CPNE4: variants seen among roughly 807,000 people sequenced by gnomAD.
CPNE4 encodes copine 4.
Under a neutral mutation model 67.9 loss-of-function variants are expected in CPNE4, and 25 were observed. The ratio of observed to expected loss-of-function variants is 0.37; its 90% CI spans 0.27 to 0.51. The LOEUF (loss-of-function observed/expected upper bound fraction) is 0.51. Among genes scored for constraint, CPNE4 ranks in the 20% least tolerant of loss-of-function variants. CPNE4 has a pLI of 0.93. For missense variants in CPNE4, 464 were observed against 690.8 expected, an observed-to-expected ratio of 0.67 and a Z score of 3.68; for synonymous variants, 242 against 244.9, an observed-to-expected ratio of 0.99 and a Z score of 0.11.
chr3:131,697,781 T>C (rs1226679714), intron 4 of CPNE4, among the ~76,000 whole-genome samples: 1 of 152,226 alleles, frequency 6.6e-6, no homozygotes, highest in East Asian at 1.9e-4. Context: ...TTAAGTATTT[T>C]GTGATCACAG....
intron 2 of CPNE4, among the ~76,000 whole-genome samples, chr3:131,730,731 A>G (rs1404274366): frequency 6.6e-6 from 1 of 152,176 alleles, no homozygotes; most frequent in Non-Finnish European, 1.5e-5. Context: ...AGCACAAGCC[A>G]AGAAATGCCA....
chr3:131,942,459 TGTGTGAGAGAGAGAGAGA>T (rs1312275343), intron 1 of CPNE4, among the ~76,000 whole-genome samples: 248 of 56,364 alleles, frequency 4.4e-3, no homozygotes, highest in Middle Eastern at 0.025. Flanking sequence ...TGTGTGTGTG[TGTGTGAGAGAGAGAGAGA>T]GAGAGAGAGA....
chr3:131,641,826 A>G (rs1582942687), intron 7 of CPNE4, among the ~76,000 whole-genome samples: 1 of 152,252 alleles, frequency 6.6e-6, no homozygotes, highest in East Asian at 1.9e-4. Context: ...CTACTTAGCC[A>G]TAACAAGGAA....
chr3:131,875,089 C>T (rs6787662), intron 2 of CPNE4, among the ~76,000 whole-genome samples: 27,008 of 152,170 alleles, frequency 0.18, 3,013 homozygotes, highest in Non-Finnish European at 0.24. Flanking sequence ...TGAGCAACTT[C>T]CCTAGCCCCA....
intron 2 of CPNE4, among the ~76,000 whole-genome samples, chr3:131,894,423 G>A (rs1416288941): frequency 6.6e-6 from 1 of 151,838 alleles, no homozygotes; most frequent in Non-Finnish European, 1.5e-5. Flanking sequence ...ACTTTTAACA[G>A]AGTAAAGAGA....
At chr3:131,658,689 GAGA>G (rs1429039831) in intron 7 of CPNE4, among the ~76,000 whole-genome samples, 2 of 152,186 alleles carry the variant, frequency 1.3e-5, no homozygotes, top group Non-Finnish European at 2.9e-5. Flanking sequence ...TCCAGCTCCT[GAGA>G]AGGAGGGCCT....
At chr3:131,862,332 C>T (rs1010322716) in intron 2 of CPNE4, among the ~76,000 whole-genome samples, 13 of 152,152 alleles carry the variant, frequency 8.5e-5, no homozygotes, top group Admixed American at 1.3e-4. Flanking sequence ...ATAAGCGAGA[C>T]TCCTAGATTT....
chr3:132,023,532 G>C (rs1433299443), intron 1 of CPNE4, among the ~76,000 whole-genome samples: 2 of 125,818 alleles, frequency 1.6e-5, no homozygotes, highest in Admixed American at 2.0e-4. Flanking sequence ...CTGTCGCCCA[G>C]GCTGGAGTGC....
At chr3:131,941,990 A>G (rs779279791) in intron 1 of CPNE4, among the ~76,000 whole-genome samples, 21 of 152,130 alleles carry the variant, frequency 1.4e-4, no homozygotes, top group Non-Finnish European at 2.9e-4. Context: ...CCATTATGAC[A>G]TAGAAATATT....
Position 131,863,876 on chromosome 3 carries a change from T to C in CPNE4, c.180+41388A>G, listed in dbSNP as rs1332277732. 2.0e-5 allele frequency among the ~76,000 whole-genome samples: 3 copies of C among 152,338 alleles called. No homozygotes were observed. In the East Asian group the frequency reaches 5.8e-4, roughly 29 times the overall value. ...AGTCTTTAATCCATCTTGAATTAATTTTTGTATAAGGTGTAAGGAAGGGAT... is the reference window on the plus strand; with the variant it reads ...AGTCTTTAATCCATCTTGAATTAATCTTTGTATAAGGTGTAAGGAAGGGAT... On this transcript the variant is annotated intron_variant, in intron 2 of 15. Transcript: ENST00000429747.
At position 131,635,883 on chromosome 3, in the gene CPNE4, C is replaced by T. The variant is rs904975978; in HGVS notation, c.681+33792G>A. Reference sequence around the variant, plus strand: ...GATCACGAGGTCAGGAGATCGAGACCATCCCGGCTAAAACGGTGAAACCCC... The same window carrying T: ...GATCACGAGGTCAGGAGATCGAGACTATCCCGGCTAAAACGGTGAAACCCC... On this transcript the variant is annotated intron_variant, in intron 7 of 15. Coordinates refer to ENST00000429747, the MANE Select transcript of CPNE4 (RefSeq NM_130808.3). Among the ~76,000 whole-genome samples, 16 of 85,392 alleles carry T rather than the reference C, an allele frequency of 1.9e-4. 3 individuals are homozygous for T. Among genetic ancestry groups the T allele is most frequent in the Non-Finnish European group, 2.9e-4 (15 of 51,156 alleles). The allele number at this position is 85,392 out of a possible 152,430, so 56.0% of individuals were successfully genotyped here. A position where few individuals can be genotyped will look rare whatever the true frequency, so the allele number is the denominator to read the frequency against.
At chr3:131,613,013 CTG>C (rs1451703111) in intron 7 of CPNE4, among the ~76,000 whole-genome samples, 5 of 152,292 alleles carry the variant, frequency 3.3e-5, no homozygotes. Flanking sequence ...TTTATTTTCT[CTG>C]TGTTATCTTC....
intron 2 of CPNE4, among the ~76,000 whole-genome samples, chr3:131,792,901 G>GTGTA (rs1462641876): frequency 1.2e-5 from 1 of 81,912 alleles, no homozygotes; most frequent in African/African-American, 4.4e-5. Context: ...CAGTGTGTGT[G>GTGTA]TGTGTGTGTG....
At chr3:131,943,340 G>C (rs959756424) in intron 1 of CPNE4, among the ~76,000 whole-genome samples, 1 of 152,086 alleles carries the variant, frequency 6.6e-6, no homozygotes, top group Non-Finnish European at 1.5e-5. Flanking sequence ...TTTGGTTTCA[G>C]AATTTAAAAT....
At chr3:131,942,721 T>A (rs1317446742) in intron 1 of CPNE4, among the ~76,000 whole-genome samples, 1 of 152,056 alleles carries the variant, frequency 6.6e-6, no homozygotes, top group Non-Finnish European at 1.5e-5. Context: ...TGAGTAAACT[T>A]GGTAAGGAAA....
At chr3:131,868,613 A>T (rs2087060860) in intron 2 of CPNE4, among the ~76,000 whole-genome samples, 1 of 152,198 alleles carries the variant, frequency 6.6e-6, no homozygotes, top group Non-Finnish European at 1.5e-5. Flanking sequence ...CAATTATAGA[A>T]ATTATTACTT....
chr3:131,774,063 T>G (rs952047127), intron 2 of CPNE4, among the ~76,000 whole-genome samples: 2 of 152,126 alleles, frequency 1.3e-5, no homozygotes, highest in African/African-American at 4.8e-5. Context: ...TTAAGGAAAC[T>G]GAGGCTTAGG....
intron 2 of CPNE4, among the ~76,000 whole-genome samples, chr3:131,874,873 TTG>T (rs2087375469): frequency 6.6e-6 from 1 of 152,226 alleles, no homozygotes; most frequent in Non-Finnish European, 1.5e-5. Context: ...GTGTATATAA[TTG>T]ATGAATATTT....
At chr3:131,542,839 G>T in intron 14 of CPNE4, 46 bp from the exon 15 acceptor site, 2 of 1,366,222 alleles carry the variant, frequency 1.5e-6, no homozygotes, top group Non-Finnish European at 2.1e-6. Context: ...GAAGAGGTGA[G>T]GGAGACAAGG....
Sources: gnomAD v4.1 joint callset for allele counts (sites outside exome capture counted in the v4.1 genomes callset) on GRCh38, gnomAD v4.1.1 for gene constraint, MANE v1.5 for transcripts, NCBI Gene and HGNC (gene_info 2026-07-23, HGNC 2026-07-21) for gene names.